Variants in NAV3 observed in about 807,000 individuals in gnomAD.
The protein encoded by NAV3 is neuron navigator 3, also known as pore membrane and/or filament interacting like protein 1.
NAV3 carries 87 observed loss-of-function variants against 244.7 expected under a neutral mutation model. The observed-to-expected ratio is 0.36, with a 90% CI of 0.30 to 0.42. NAV3 has a LOEUF of 0.42. Among genes scored for constraint, NAV3 ranks in the 20% least tolerant of loss-of-function variants. The pLI, the probability that NAV3 is intolerant of heterozygous loss-of-function variation, is 1.00. For missense variants in NAV3, 2,663 were observed against 2,893.3 expected, an observed-to-expected ratio of 0.92 and a Z score of 1.83; for synonymous variants, 1,126 against 1,042.2, an observed-to-expected ratio of 1.08 and a Z score of -1.55.
Position 78,150,471 on chromosome 12 carries a change from CTA to C in NAV3, c.4785+1553_4785+1554del, listed in dbSNP as rs1372997138. On this transcript the variant is annotated intron_variant, in intron 22 of 39. Transcript: ENST00000397909. Reference sequence around the variant, plus strand: ...TGCTTATTGTCTTCAAAAGAAAAAACTAAAATGGTATTTCACATTTTTTTGTT... The same window carrying C: ...TGCTTATTGTCTTCAAAAGAAAAAACAAATGGTATTTCACATTTTTTTGTT... Among the ~76,000 whole-genome samples the C allele has an allele frequency of 4.6e-5, 7 of 151,962 alleles. No homozygotes were observed. In the East Asian group the frequency reaches 1.4e-3, roughly 29 times the overall value.
Position 77,968,617 on chromosome 12 carries a change from T to C in NAV3, c.586T>C (p.Leu196=), listed in dbSNP as rs2137991831. The change falls in exon 5 of 40, where the codon TTG becomes CTG. Residue 196 remains leucine (L), a synonymous_variant. Transcript: ENST00000397909. ...QHHQQQYYQS[L]VELQQRVTHA... ...CCATCAACAACAGTACTATCAGTCC[T>C]TGGTGGAACTTCAGCAGCGAGTTAC... 2 of 1,614,142 alleles carry C rather than the reference T, an allele frequency of 1.2e-6. No individual in the cohort carries two copies. Among genetic ancestry groups the C allele is most frequent in the Middle Eastern group, 3.3e-4 (2 of 6,060 alleles).
chr12:77,673,117 T>G (rs772138777), intron 2 of NAV3, among the ~76,000 whole-genome samples: 8 of 152,202 alleles, frequency 5.3e-5, no homozygotes, highest in Non-Finnish European at 1.0e-4. Flanking sequence ...TTTTTAAAAA[T>G]GTTCACACCT....
intron 3 of NAV3, among the ~76,000 whole-genome samples, chr12:77,960,179 GAAGT>G (rs1342004291): frequency 6.6e-6 from 1 of 151,962 alleles, no homozygotes; most frequent in African/African-American, 2.4e-5. Flanking sequence ...GGATGCCATA[GAAGT>G]AAGTCAGCTC....
chr12:77,666,159 C>T (rs1411490375), intron 2 of NAV3, among the ~76,000 whole-genome samples: 1 of 150,274 alleles, frequency 6.7e-6, no homozygotes, highest in Non-Finnish European at 1.5e-5. Flanking sequence ...CTAATTGCTT[C>T]CAATAGCAAC....
At chr12:78,123,344 T>A (rs547893496) in intron 16 of NAV3, among the ~76,000 whole-genome samples, 2 of 59,268 alleles carry the variant, frequency 3.4e-5, no homozygotes, top group South Asian at 9.0e-4. Flanking sequence ...GTTTTTTTTA[T>A]TTTTTTTTTA....
intron 2 of NAV3, among the ~76,000 whole-genome samples, chr12:77,792,446 G>A (rs1372659229): frequency 6.6e-6 from 1 of 152,148 alleles, no homozygotes; most frequent in East Asian, 1.9e-4. Flanking sequence ...ATGAGTATGT[G>A]TCACTCAGAC....
intron 5 of NAV3, among the ~76,000 whole-genome samples, chr12:77,981,793 T>C (rs1172495463): frequency 1.3e-5 from 2 of 152,150 alleles, no homozygotes; most frequent in African/African-American, 4.8e-5. Context: ...TATTCCTCTT[T>C]GTTTCCTTGT....
chr12:77,971,328 G>A (rs1022449651), intron 5 of NAV3, among the ~76,000 whole-genome samples: 2 of 151,986 alleles, frequency 1.3e-5, no homozygotes, highest in Admixed American at 6.6e-5. Context: ...TTTAATAAAT[G>A]TTTATAGAGT....
intron 2 of NAV3, among the ~76,000 whole-genome samples, chr12:77,651,094 T>C (rs1872801482): frequency 6.6e-6 from 1 of 152,104 alleles, no homozygotes; most frequent in South Asian, 2.1e-4. Context: ...TGCTGATACA[T>C]CATCATGAAA....
At chr12:78,098,979 G>A (rs1311702911) in intron 12 of NAV3, among the ~76,000 whole-genome samples, 8 of 149,180 alleles carry the variant, frequency 5.4e-5, no homozygotes, top group African/African-American at 1.2e-4. Context: ...TATAATATTG[G>A]CACTGTCATA....
chr12:78,164,780 T>A (rs895889258), intron 23 of NAV3, among the ~76,000 whole-genome samples: 2 of 151,974 alleles, frequency 1.3e-5, no homozygotes, highest in Admixed American at 1.3e-4. Context: ...AAGTGTGAGA[T>A]TAACTTAGTG....
intron 2 of NAV3, among the ~76,000 whole-genome samples, chr12:77,631,976 G>A (rs1324425731): frequency 6.6e-6 from 1 of 152,174 alleles, no homozygotes; most frequent in African/African-American, 2.4e-5. Flanking sequence ...GTCATTGACT[G>A]GGTAGTGGTA....
intron 38 of NAV3, among the ~76,000 whole-genome samples, chr12:78,202,965 G>A (rs1368304392): frequency 6.6e-6 from 1 of 152,082 alleles, no homozygotes; most frequent in African/African-American, 2.4e-5. Context: ...ACACTCTTAA[G>A]TTTAGAGTAA....
chr12:77,645,781 C>T (rs780816241), intron 2 of NAV3, among the ~76,000 whole-genome samples: 1 of 152,070 alleles, frequency 6.6e-6, no homozygotes, highest in Non-Finnish European at 1.5e-5. Context: ...AGGTGTTATA[C>T]ATAAAACCAG....
intron 5 of NAV3, among the ~76,000 whole-genome samples, chr12:77,977,885 T>C (rs899534661): frequency 2.0e-5 from 3 of 152,284 alleles, no homozygotes; most frequent in African/African-American, 7.2e-5. Context: ...GCTCATTTTA[T>C]GATAGTTTGG....
intron 2 of NAV3, among the ~76,000 whole-genome samples, chr12:77,762,489 G>C (rs1235804282): frequency 6.6e-6 from 1 of 152,094 alleles, no homozygotes; most frequent in Non-Finnish European, 1.5e-5. Flanking sequence ...TGTAGTCCCA[G>C]CTACTCAGGA....
chr12:77,977,698 ACACACACACACGCG>A (rs1233817968), intron 5 of NAV3, among the ~76,000 whole-genome samples: 1 of 92,250 alleles, frequency 1.1e-5, no homozygotes, highest in Non-Finnish European at 2.6e-5. Flanking sequence ...ATACACACAC[ACACACACACACGCG>A]CACACACACA....
At chr12:78,029,051 T>A (rs1328028154) in intron 9 of NAV3, among the ~76,000 whole-genome samples, 1 of 152,078 alleles carries the variant, frequency 6.6e-6, no homozygotes, top group Non-Finnish European at 1.5e-5. Flanking sequence ...ACTAAAGACA[T>A]GGTTGTACCT....
intron 1 of NAV3, among the ~76,000 whole-genome samples, chr12:77,859,502 A>C (rs1023351348): frequency 6.6e-6 from 1 of 151,970 alleles, no homozygotes; most frequent in Non-Finnish European, 1.5e-5. Flanking sequence ...TTAGAACAAC[A>C]GTGTTTTGGG....
Sources: allele counts gnomAD v4.1 joint callset (sites outside exome capture counted in the v4.1 genomes callset), GRCh38; gene constraint gnomAD v4.1.1; transcripts MANE v1.5; gene names NCBI Gene and HGNC (gene_info 2026-07-23, HGNC 2026-07-21).